The following PTCD1 variants were observed in gnomAD, a reference collection of about 807,000 sequenced individuals.
The protein encoded by PTCD1 is pentatricopeptide repeat-containing protein 1, mitochondrial.
PTCD1 carries 50 observed loss-of-function variants against 53.4 expected under a neutral mutation model. The ratio of observed to expected loss-of-function variants is 0.94; its 90% CI spans 0.75 to 1.19. The LOEUF is 1.19. Ranked by LOEUF, PTCD1 falls within the 50% of genes most tolerant of loss-of-function variation. The pLI is 0.00. For synonymous variants in PTCD1, 413 were observed against 394.8 expected, an observed-to-expected ratio of 1.05 and a Z score of -0.55; for missense variants, 918 against 904.8, an observed-to-expected ratio of 1.01 and a Z score of -0.19.
intron 1 of PTCD1, among the ~76,000 whole-genome samples, chr7:99,436,539 T>TGGGAGGCAGAGGTTGCA (rs1188656483): frequency 6.6e-6 from 1 of 151,958 alleles, no homozygotes; most frequent in East Asian, 1.9e-4. Flanking sequence ...CACTTGAACG[T>TGGGAGGCAGAGGTTGCA]GGGAGGCAGA....
intron 7 of PTCD1, among the ~76,000 whole-genome samples, chr7:99,420,755 G>C (rs148101363): frequency 6.6e-6 from 1 of 152,080 alleles, no homozygotes; most frequent in Non-Finnish European, 1.5e-5. Flanking sequence ...TCAGGAGTTC[G>C]AGACCAGCCT....
At chr7:99,424,698 C>T in intron 6 of PTCD1, 97 bp downstream of exon 6, 2 of 1,484,694 alleles carry the variant, frequency 1.3e-6, no homozygotes, top group Admixed American at 2.0e-5. Flanking sequence ...TTCATCCTCT[C>T]CAGGTGGGGG....
rs1470084723 is a variant in PTCD1 at position 99,425,379 on chromosome 7, C to T, written c.1153G>A (p.Glu385Lys). Residue 385 changes from glutamate (E) to lysine (K), a missense_variant, in exon 6 of 8, where the codon GAG becomes AAG. Coordinates refer to ENST00000292478, the MANE Select transcript of PTCD1 (RefSeq NM_015545.4). ...MSAMLHVEALERQLFLEPSQA... is the reference protein window; with the variant it reads ...MSAMLHVEALKRQLFLEPSQA... ...GAAGGTTCCAGAAACAGCTGCCTCT[C>T]CAGGGCCTCCACATGCAGCATGGCT... The T allele has an allele frequency of 9.3e-6, 15 of 1,614,188 alleles. No homozygotes were observed. The highest frequency in any genetic ancestry group is 1.2e-5 in the Non-Finnish European group (14 of 1,180,036).
At chr7:99,435,350 G>A (rs1796419552) in intron 1 of PTCD1, 82 bp from the exon 2 acceptor site, 1 of 1,549,138 alleles carries the variant, frequency 6.5e-7, no homozygotes, top group African/African-American at 1.4e-5. Flanking sequence ...TTACAAGTAT[G>A]GGCCCAGGCC....
chr7:99,423,857 A>G lies in PTCD1; in HGVS notation c.1838T>C (p.Met613Thr). The change falls in exon 7 of 8, where the codon ATG (methionine) becomes ACG (threonine). Residue 613 changes from methionine to threonine, a missense_variant. Physicochemically the swap from Met to Thr is moderately conservative, Grantham distance 81. Coordinates refer to ENST00000292478, the MANE Select transcript of PTCD1 (RefSeq NM_015545.4). ...YTYLISILKDMKQNRVPVNEV... is the reference protein window; with the variant it reads ...YTYLISILKDTKQNRVPVNEV... ...GTTCACCGGGACCCTGTTCTGCTTCATGTCCTTCAAGATGCTGATGAGATA... is the reference window on the plus strand; with the variant it reads ...GTTCACCGGGACCCTGTTCTGCTTCGTGTCCTTCAAGATGCTGATGAGATA... 1 of 1,614,172 alleles carries G rather than the reference A, an allele frequency of 6.2e-7. No homozygotes were observed. Among genetic ancestry groups the G allele is most frequent in the Non-Finnish European group, 8.5e-7 (1 of 1,180,034 alleles).
intron 3 of PTCD1, among the ~76,000 whole-genome samples, chr7:99,431,571 A>T (rs1167178822): frequency 6.6e-6 from 1 of 152,148 alleles, no homozygotes; most frequent in African/African-American, 2.4e-5. Context: ...TGCTGTCTCT[A>T]CTAAAAATAC....
intron 3 of PTCD1, among the ~76,000 whole-genome samples, chr7:99,430,713 G>A (rs546493420): frequency 7.9e-5 from 12 of 152,328 alleles, no homozygotes; most frequent in Admixed American, 2.0e-4. Context: ...TTAGCAGAGC[G>A]GGCACAGCCT....
intron 5 of PTCD1, among the ~76,000 whole-genome samples, chr7:99,425,969 A>G (rs1294101530): frequency 6.6e-6 from 1 of 152,156 alleles, no homozygotes; most frequent in African/African-American, 2.4e-5. Context: ...AGGAGGCTGA[A>G]GTGGGAGAAT....
chr7:99,417,145 C>G lies in PTCD1; in HGVS notation c.*2822G>C, dbSNP rs1166522984. On this transcript the variant is annotated 3_prime_UTR_variant, in exon 8 of 8. Coordinates refer to ENST00000292478, the MANE Select transcript of PTCD1 (RefSeq NM_015545.4). Reference sequence around the variant, plus strand: ...GACCTCAGGTCACTACAACCTCCGCCTCCTGGGTTCAAGTGATTCTCCTGC... The same window carrying G: ...GACCTCAGGTCACTACAACCTCCGCGTCCTGGGTTCAAGTGATTCTCCTGC... 2.8e-6 allele frequency: 1 copy of G among 352,928 alleles called. No individual in the cohort carries two copies. The highest frequency in any genetic ancestry group is 5.4e-6 in the Non-Finnish European group (1 of 186,530). The allele number at this position is 352,928 out of a possible 1,614,324, so 21.9% of individuals were successfully genotyped here. A position where few individuals can be genotyped will look rare whatever the true frequency, so the allele number is the denominator to read the frequency against.
Position 99,419,424 on chromosome 7 carries a change from C to T in PTCD1, c.*543G>A. 2 of 1,612,908 alleles carry T rather than the reference C, an allele frequency of 1.2e-6. No individual in the cohort carries two copies. Among genetic ancestry groups the T allele is most frequent in the Non-Finnish European group, 1.7e-6 (2 of 1,180,018 alleles). On this transcript the variant is annotated 3_prime_UTR_variant, in exon 8 of 8. Coordinates refer to ENST00000292478, the MANE Select transcript of PTCD1 (RefSeq NM_015545.4). ...CATCGAGTGCACACACTGTGGCTGT[C>T]GTGGCTGCTCTGGCTGAGGCTGGCG... is the stretch of plus-strand genomic sequence containing the variant.
intron 3 of PTCD1, among the ~76,000 whole-genome samples, chr7:99,432,177 C>T (rs983125256): frequency 6.6e-6 from 1 of 152,136 alleles, no homozygotes; most frequent in Non-Finnish European, 1.5e-5. Context: ...TCCCCCAGCC[C>T]GACGCCCATA....
chr7:99,429,047 T>C, intron 5 of PTCD1, 56 bp downstream of exon 5: 1 of 1,600,062 alleles, frequency 6.2e-7, no homozygotes, highest in Non-Finnish European at 8.6e-7. Flanking sequence ...GGATCACCAT[T>C]TTGCACCTCT....
At chr7:99,420,709 C>T (rs1203411267) in intron 7 of PTCD1, among the ~76,000 whole-genome samples, 1 of 152,204 alleles carries the variant, frequency 6.6e-6, no homozygotes, top group African/African-American at 2.4e-5. Flanking sequence ...GTAATCCCAG[C>T]ACTTTGAGAG....
chr7:99,422,942 C>T (rs2150947656), intron 7 of PTCD1, among the ~76,000 whole-genome samples: 1 of 152,108 alleles, frequency 6.6e-6, no homozygotes, highest in South Asian at 2.1e-4. Context: ...CTCTGCATTA[C>T]ACTATGGAAG....
Position 99,418,689 on chromosome 7 carries a change from C to T in PTCD1, c.*1278G>A, listed in dbSNP as rs1795648952. 1 of 152,462 alleles carries T rather than the reference C, an allele frequency of 6.6e-6. No individual in the cohort carries two copies. The highest frequency in any genetic ancestry group is 1.5e-5 in the Non-Finnish European group (1 of 68,260). The allele number at this position is 152,462 out of a possible 1,614,324, so 9.4% of individuals were successfully genotyped here. A position where few individuals can be genotyped will look rare whatever the true frequency, so the allele number is the denominator to read the frequency against. On this transcript the variant is annotated 3_prime_UTR_variant, in exon 8 of 8. Transcript: ENST00000292478. Reference sequence around the variant, plus strand: ...GCAGAGTGGCAGAAGCCCCCTTCCTCTGAGTGCCCAGATTCCACAAGGAGT... The same window carrying T: ...GCAGAGTGGCAGAAGCCCCCTTCCTTTGAGTGCCCAGATTCCACAAGGAGT...
Position 99,419,440 on chromosome 7 carries a change from G to T in PTCD1, c.*527C>A. 6.2e-7 allele frequency: 1 copy of T among 1,611,774 alleles called. No individual in the cohort carries two copies. The highest frequency in any genetic ancestry group is 8.5e-7 in the Non-Finnish European group (1 of 1,179,996). ...TGTGGCTGTCGTGGCTGCTCTGGCT[G>T]AGGCTGGCGCGCTCCACCCTGGACT... On this transcript the variant is annotated 3_prime_UTR_variant, in exon 8 of 8. Transcript: ENST00000292478.
Position 99,425,365 on chromosome 7 carries a change from A to C in PTCD1, c.1167T>G (p.Phe389Leu). The change falls in exon 6 of 8, where the codon TTT becomes TTG. Residue 389 changes from phenylalanine to leucine, a missense_variant. By Grantham distance (22) the Phe-to-Leu change is conservative. Transcript: ENST00000292478. ...GCCCAAGTGCCTGAGAAGGTTCCAG[A>C]AACAGCTGCCTCTCCAGGGCCTCCA... ...LHVEALERQL[F>L]LEPSQALGPP... The C allele has an allele frequency of 1.2e-6, 2 of 1,614,190 alleles. No homozygotes were observed. The highest frequency in any genetic ancestry group is 2.2e-5 in the East Asian group (1 of 44,888).
At chr7:99,433,824 C>T (rs897243427) in intron 2 of PTCD1, among the ~76,000 whole-genome samples, 3 of 151,966 alleles carry the variant, frequency 2.0e-5, no homozygotes, top group Non-Finnish European at 4.4e-5. Flanking sequence ...GAGGCTGAGG[C>T]GGGCAGATCA....
Position 99,424,878 on chromosome 7 carries a change from C to A in PTCD1, c.1654G>T (p.Val552Phe). The change falls in exon 6 of 8, where the codon GTC (valine) becomes TTC (phenylalanine). Residue 552 changes from valine (V) to phenylalanine (F), a missense_variant. Val to Phe is a conservative substitution (Grantham distance 50). Coordinates refer to ENST00000292478, the MANE Select transcript of PTCD1 (RefSeq NM_015545.4). ...TTGCAGAATGTCTGCAGGTTGGGGA[C>A]GAGGCCCCTCTTTGCCAGGACCGGC... is the stretch of plus-strand genomic sequence containing the variant. ...LLPVLAKRGLVPNLQTFCNLA... is the reference protein window; with the variant it reads ...LLPVLAKRGLFPNLQTFCNLA... The A allele has an allele frequency of 6.2e-7, 1 of 1,614,230 alleles. No homozygotes were observed. Among genetic ancestry groups the A allele is most frequent in the Non-Finnish European group, 8.5e-7 (1 of 1,180,042 alleles).
Sources: gnomAD v4.1 joint callset for allele counts (sites outside exome capture counted in the v4.1 genomes callset) on GRCh38, gnomAD v4.1.1 for gene constraint, MANE v1.5 for transcripts, NCBI Gene and HGNC (gene_info 2026-07-23, HGNC 2026-07-21) for gene names.